The following KCNIP4 variants were observed in gnomAD, a reference collection of about 807,000 sequenced individuals.
KCNIP4 encodes the protein potassium voltage-gated channel interacting protein 4.
Under a neutral mutation model 34.0 loss-of-function variants are expected in KCNIP4, and 12 were observed. That is an observed-to-expected ratio of 0.35 (90% CI 0.23 to 0.57). The LOEUF (loss-of-function observed/expected upper bound fraction) is 0.57. Among genes scored for constraint, KCNIP4 ranks in the 20% least tolerant of loss-of-function variants. The pLI is 0.83. For synonymous variants in KCNIP4, 124 were observed against 102.2 expected, an observed-to-expected ratio of 1.21 and a Z score of -1.29; for missense variants, 238 against 311.7, an observed-to-expected ratio of 0.76 and a Z score of 1.78.
At chr4:21,807,393 T>A (rs538927164) in intron 1 of KCNIP4, among the ~76,000 whole-genome samples, 1 of 152,326 alleles carries the variant, frequency 6.6e-6, no homozygotes, top group South Asian at 2.1e-4. Flanking sequence ...GCCAGCTACC[T>A]GATGGCATGC....
rs1756111945 is a variant in KCNIP4, at chr4:21,197,135, A to G, written c.62-314426T>C. On this transcript the variant is annotated intron_variant, in intron 1 of 8. Transcript: ENST00000382152. ...GTATAATATTCAATTATATGAATAT[A>G]TCACAATTTATCCATTCTATTGCAG... 2.0e-5 allele frequency among the ~76,000 whole-genome samples: 3 copies of G among 152,218 alleles called. No individual in the cohort carries two copies. In the South Asian group the frequency reaches 6.2e-4, roughly 31 times the overall value.
At chr4:20,891,027 T>C (rs1467646320) in intron 1 of KCNIP4, among the ~76,000 whole-genome samples, 1 of 152,196 alleles carries the variant, frequency 6.6e-6, no homozygotes, top group Non-Finnish European at 1.5e-5. Context: ...ATTCAACAAG[T>C]ACTGACAGTG....
At chr4:21,918,903 C>G (rs1056075629) in intron 1 of KCNIP4, among the ~76,000 whole-genome samples, 6 of 152,124 alleles carry the variant, frequency 3.9e-5, no homozygotes, top group Admixed American at 1.3e-4. Context: ...TCTTGGAACT[C>G]CATTTCTGGG....
intron 1 of KCNIP4, among the ~76,000 whole-genome samples, chr4:21,255,044 T>G (rs1760971766): frequency 1.3e-5 from 2 of 152,166 alleles, no homozygotes. Flanking sequence ...CGTCTCCACT[T>G]TAACCTGTTG....
At chr4:21,789,430 T>C (rs553471209) in intron 1 of KCNIP4, among the ~76,000 whole-genome samples, 1 of 152,314 alleles carries the variant, frequency 6.6e-6, no homozygotes, top group Non-Finnish European at 1.5e-5. Context: ...CACCACTAGA[T>C]GGCGGTACCT....
Position 21,293,075 on chromosome 4 carries a change from A to G in KCNIP4, c.62-410366T>C, listed in dbSNP as rs572254787. ...GACATCTGTAGGACATGGATAGATA[A>G]CCATATGTAAAACAAATGATAATAA... On this transcript the variant is annotated intron_variant, in intron 1 of 8. Transcript: ENST00000382152. Among the ~76,000 whole-genome samples, 11 of 152,320 alleles carry G rather than the reference A, an allele frequency of 7.2e-5. No individual in the cohort carries two copies. The South Asian group carries it at 1.7e-3, about 23-fold the overall frequency.
At chr4:21,938,592 A>C (rs186847724) in intron 1 of KCNIP4, among the ~76,000 whole-genome samples, 47 of 152,260 alleles carry the variant, frequency 3.1e-4, no homozygotes, top group Middle Eastern at 3.4e-3. Flanking sequence ...ATTCTAAAAA[A>C]CTACTATCAC....
intron 1 of KCNIP4, among the ~76,000 whole-genome samples, chr4:21,040,707 C>G (rs554212034): frequency 1.3e-5 from 2 of 151,972 alleles, no homozygotes; most frequent in Admixed American, 6.6e-5. Context: ...TTTAACTCAG[C>G]CTTGACTAAA....
At chr4:21,846,310 C>T (rs1724010494) in intron 1 of KCNIP4, 1 of 152,008 alleles carries the variant, frequency 6.6e-6, no homozygotes, top group South Asian at 2.1e-4. Flanking sequence ...TATAGATACA[C>T]ATATAGAAAG....
At position 21,757,239 on chromosome 4, in the gene KCNIP4, GAAAGAAAGAAAAGAAAAGA is replaced by G. The variant is rs1251286481; in HGVS notation, c.61+191313_61+191331del. Among the ~76,000 whole-genome samples, 75 of 24,572 alleles carry G rather than the reference GAAAGAAAGAAAAGAAAAGA, an allele frequency of 3.1e-3. 4 individuals carry two copies. Among genetic ancestry groups the G allele is most frequent in the Admixed American group, 5.3e-3 (18 of 3,378 alleles). The allele number at this position is 24,572 out of a possible 152,430, so 16.1% of individuals were successfully genotyped here. ...AGAAAGAAAGAAAGAAAGAAAGAAA[GAAAGAAAGAAAAGAAAAGA>G]AAAGAAAAGAAAAGAAAAGAAAAGA... is the stretch of plus-strand genomic sequence containing the variant. On this transcript the variant is annotated intron_variant, in intron 1 of 8. Transcript: ENST00000382152.
intron 1 of KCNIP4, among the ~76,000 whole-genome samples, chr4:21,467,945 G>T (rs6842233): frequency 6.6e-6 from 1 of 152,034 alleles, no homozygotes; most frequent in East Asian, 1.9e-4. Flanking sequence ...AGCAAGCCTT[G>T]GGTAGCACCA....
At chr4:21,120,224 G>A (rs1310635748) in intron 1 of KCNIP4, among the ~76,000 whole-genome samples, 1 of 152,074 alleles carries the variant, frequency 6.6e-6, no homozygotes, top group African/African-American at 2.4e-5. Context: ...AACAAAAGCT[G>A]GGCCTGTATA....
intron 1 of KCNIP4, among the ~76,000 whole-genome samples, chr4:21,927,109 TC>T: frequency 6.6e-6 from 1 of 152,258 alleles, no homozygotes; most frequent in East Asian, 1.9e-4. Context: ...CCTTCTATCT[TC>T]AAAGCCAAAA....
intron 1 of KCNIP4, among the ~76,000 whole-genome samples, chr4:21,604,005 C>T (rs1048429587): frequency 4.6e-5 from 7 of 151,532 alleles, no homozygotes; most frequent in African/African-American, 7.3e-5. Flanking sequence ...GACTTCTGTT[C>T]GGTAATGGGA....
At chr4:21,608,961 T>G (rs1743935743) in intron 1 of KCNIP4, 5 of 152,230 alleles carry the variant, frequency 3.3e-5, no homozygotes, top group Non-Finnish European at 7.3e-5. Flanking sequence ...TGGTGCTTCC[T>G]CACAGCCAAA....
At chr4:20,798,814 G>C (rs1453847956) in intron 3 of KCNIP4, among the ~76,000 whole-genome samples, 2 of 152,142 alleles carry the variant, frequency 1.3e-5, no homozygotes, top group African/African-American at 4.8e-5. Context: ...TTTGTTATCA[G>C]AGACTCCTAC....
chr4:20,833,865 G>A (rs1718728638), intron 3 of KCNIP4, among the ~76,000 whole-genome samples: 1 of 152,130 alleles, frequency 6.6e-6, no homozygotes, highest in Admixed American at 6.6e-5. Flanking sequence ...TAAATAGTTT[G>A]TAAAGTGTTT....
intron 1 of KCNIP4, among the ~76,000 whole-genome samples, chr4:21,076,543 A>G (rs1745501358): frequency 6.6e-6 from 1 of 152,176 alleles, no homozygotes; most frequent in East Asian, 1.9e-4. Flanking sequence ...ATATGGACAT[A>G]TAATTATACT....
intron 1 of KCNIP4, among the ~76,000 whole-genome samples, chr4:21,261,321 T>C (rs1338852909): frequency 6.6e-6 from 1 of 151,492 alleles, no homozygotes; most frequent in African/African-American, 2.5e-5. Flanking sequence ...GGGGATACTT[T>C]TGAGAAAAGA....
Sources: allele counts gnomAD v4.1 joint callset (sites outside exome capture counted in the v4.1 genomes callset), GRCh38; gene constraint gnomAD v4.1.1; transcripts MANE v1.5; gene names NCBI Gene and HGNC (gene_info 2026-07-23, HGNC 2026-07-21).